The following NSG2 variants were observed in gnomAD, a reference collection of about 807,000 sequenced individuals.
NSG2 encodes neuronal vesicle trafficking associated 2.
Under a neutral mutation model 16.9 loss-of-function variants are expected in NSG2, and 4 were observed. The ratio of observed to expected loss-of-function variants is 0.24; its 90% CI spans 0.12 to 0.54. NSG2 has a LOEUF of 0.54. Ranked by LOEUF, NSG2 falls within the 20% of genes least tolerant of loss-of-function variation. The probability of loss-of-function intolerance (pLI) is 0.95; values close to 1 mark genes in which losing one functional copy is unlikely to be tolerated. For missense variants in NSG2, 179 were observed against 221.1 expected, an observed-to-expected ratio of 0.81 and a Z score of 1.21; for synonymous variants, 98 against 88.7, an observed-to-expected ratio of 1.11 and a Z score of -0.59.
At chr5:174,062,811 C>G (rs1387005269) in intron 2 of NSG2, among the ~76,000 whole-genome samples, 2 of 152,168 alleles carry the variant, frequency 1.3e-5, no homozygotes, top group African/African-American at 2.4e-5. Context: ...CATGACATGC[C>G]TCACAGATGT....
intron 2 of NSG2, among the ~76,000 whole-genome samples, chr5:174,064,023 G>C (rs1760099661): frequency 6.6e-6 from 1 of 152,006 alleles, no homozygotes; most frequent in Non-Finnish European, 1.5e-5. Context: ...TATCTAAAAA[G>C]GTATAATCAA....
At position 174,107,487 on chromosome 5, in the gene NSG2, C is replaced by A; in HGVS notation, c.498C>A (p.Pro166=). 3 of 1,609,896 alleles carry A rather than the reference C, an allele frequency of 1.9e-6. No homozygotes were observed. The highest frequency in any genetic ancestry group is 2.5e-6 in the Non-Finnish European group (3 of 1,177,008). ...CTGTCATCCATGAGCCCAAGCCGCCCAAGACCCAGGGCCACTAGAGGCCTG... is the reference window on the plus strand; with the variant it reads ...CTGTCATCCATGAGCCCAAGCCGCCAAAGACCCAGGGCCACTAGAGGCCTG... The part of the protein sequence containing the change: ...AAAVIHEPKP[P]KTQGH The change falls in exon 5 of 5, where the codon CCC becomes CCA. Residue 166 remains proline, a synonymous_variant. Coordinates refer to ENST00000303177, the MANE Select transcript of NSG2 (RefSeq NM_015980.5). The surrounding 1 kb of genome is among the most constrained non-coding windows in gnomAD (Gnocchi z 4.5).
chr5:174,078,276 CCACACACA>C (rs368501074), intron 3 of NSG2, among the ~76,000 whole-genome samples: 2 of 149,604 alleles, frequency 1.3e-5, no homozygotes, highest in Non-Finnish European at 3.0e-5. Context: ...CGCACACACA[CCACACACA>C]CACACACACA....
At chr5:174,073,167 A>C (rs566685363) in intron 3 of NSG2, among the ~76,000 whole-genome samples, 165 of 152,298 alleles carry the variant, frequency 1.1e-3, no homozygotes, top group Middle Eastern at 3.4e-3. Context: ...ACACATCCTC[A>C]TAACTCTCTT....
At chr5:174,046,700 C>T in intron 1 of NSG2, 34 bp from the exon 2 acceptor site, 1 of 1,608,822 alleles carries the variant, frequency 6.2e-7, no homozygotes, top group Non-Finnish European at 8.5e-7. Context: ...TGCCTCACCT[C>T]CTGCTGTAAC....
At chr5:174,085,300 G>A (rs906262365) in intron 3 of NSG2, among the ~76,000 whole-genome samples, 9 of 152,240 alleles carry the variant, frequency 5.9e-5, no homozygotes, top group African/African-American at 1.9e-4. Context: ...CTGAGGCTCA[G>A]AGAGGTGGCG....
intron 2 of NSG2, among the ~76,000 whole-genome samples, chr5:174,052,442 C>T (rs1468315232): frequency 1.3e-5 from 2 of 152,072 alleles, no homozygotes; most frequent in African/African-American, 4.8e-5. Context: ...TTAGGCCTGG[C>T]CTGCAGTGGG....
intron 3 of NSG2, among the ~76,000 whole-genome samples, chr5:174,070,539 G>A (rs141760838): frequency 1.3e-4 from 20 of 152,050 alleles, no homozygotes; most frequent in African/African-American, 4.1e-4. Flanking sequence ...CTTCTTTGTC[G>A]TTATTAATAT....
intron 4 of NSG2, among the ~76,000 whole-genome samples, chr5:174,106,719 T>A (rs925992292): frequency 6.7e-6 from 1 of 150,246 alleles, no homozygotes; most frequent in Non-Finnish European, 1.5e-5. Flanking sequence ...CTCAGCCTCC[T>A]GAGTAGCTGG....
intron 4 of NSG2, 90 bp downstream of exon 4, chr5:174,104,428 G>C (rs1760946213): frequency 2.2e-6 from 2 of 912,296 alleles, no homozygotes; most frequent in Non-Finnish European, 3.6e-6. Flanking sequence ...CAAATTCTGG[G>C]TATGACGACC....
intron 3 of NSG2, among the ~76,000 whole-genome samples, chr5:174,079,679 T>G (rs1033989758): frequency 5.3e-5 from 8 of 152,240 alleles, no homozygotes; most frequent in African/African-American, 1.9e-4. Context: ...CCTCCTGATT[T>G]GTGTTGCTAC....
At chr5:174,090,910 T>C (rs763691130) in intron 3 of NSG2, among the ~76,000 whole-genome samples, 23 of 152,328 alleles carry the variant, frequency 1.5e-4, no homozygotes, top group African/African-American at 2.2e-4. Context: ...GAGTAGTTTA[T>C]CTGGCAGGGG....
rs146410344 is a variant in NSG2, at chr5:174,106,488, C to T, written c.325-826C>T. Reference sequence around the variant, plus strand: ...CCGGTAGTCCCCAGGTTCATTGCCTCTTAGTAGTCATATTGGTGCTATTTT... The same window carrying T: ...CCGGTAGTCCCCAGGTTCATTGCCTTTTAGTAGTCATATTGGTGCTATTTT... On this transcript the variant is annotated intron_variant, in intron 4 of 4. Transcript: ENST00000303177. 1.8e-3 allele frequency among the ~76,000 whole-genome samples: 263 copies of T among 146,680 alleles called. 1 individual carries two copies. The highest frequency in any genetic ancestry group is 6.5e-3 in the African/African-American group (257 of 39,482).
At chr5:174,048,321 G>A (rs1185824629) in intron 2 of NSG2, among the ~76,000 whole-genome samples, 1 of 152,208 alleles carries the variant, frequency 6.6e-6, no homozygotes. Context: ...CAGAGTCTCT[G>A]AGAGTGAGAC....
Position 174,072,539 on chromosome 5 carries a change from C to T in NSG2, c.213+8224C>T, listed in dbSNP as rs926939906. Among the ~76,000 whole-genome samples, 5 of 152,336 alleles carry T rather than the reference C, an allele frequency of 3.3e-5. No individual in the cohort carries two copies. Among genetic ancestry groups the T allele is most frequent in the Admixed American group, 3.3e-4 (5 of 15,308 alleles). On this transcript the variant is annotated intron_variant, in intron 3 of 4. Coordinates refer to ENST00000303177, the MANE Select transcript of NSG2 (RefSeq NM_015980.5). The surrounding 1 kb of genome is among the most constrained non-coding windows in gnomAD (Gnocchi z 4.0). Reference sequence around the variant, plus strand: ...TTGGGTTCCTGCATGTCCTATAGGACCCTCCATTCTAGTACCAATTAAACA... The same window carrying T: ...TTGGGTTCCTGCATGTCCTATAGGATCCTCCATTCTAGTACCAATTAAACA...
chr5:174,092,458 G>A (rs1010860256), intron 3 of NSG2, among the ~76,000 whole-genome samples: 1 of 152,240 alleles, frequency 6.6e-6, no homozygotes, highest in Non-Finnish European at 1.5e-5. Flanking sequence ...CAAACACAGA[G>A]GGTATGGCCC....
intron 3 of NSG2, among the ~76,000 whole-genome samples, chr5:174,098,782 G>A (rs993629580): frequency 2.0e-5 from 3 of 152,200 alleles, no homozygotes; most frequent in Admixed American, 6.5e-5. Flanking sequence ...AGCGGACGAT[G>A]AGTGGCTGAG....
rs72447938 is a variant in NSG2, at chr5:174,080,525, T to TTCTCTC, written c.213+16230_213+16235dup. Among the ~76,000 whole-genome samples, 89 of 125,286 alleles carry TTCTCTC rather than the reference T, an allele frequency of 7.1e-4. 2 individuals carry two copies. In the South Asian group the frequency reaches 0.013, roughly 19 times the overall value. 82.2% of individuals were successfully genotyped at this position (125,286 alleles called of 152,430 possible). A position where few individuals can be genotyped will look rare whatever the true frequency, so the allele number is the denominator to read the frequency against. ...TTTCTTTCTTTCCCTCTTTCTTTCT[T>TTCTCTC]TCTCTCTCTCTCTCTCTCTCTCTCT... On this transcript the variant is annotated intron_variant, in intron 3 of 4. Coordinates refer to ENST00000303177, the MANE Select transcript of NSG2 (RefSeq NM_015980.5).
At chr5:174,078,709 A>G (rs983240444) in intron 3 of NSG2, among the ~76,000 whole-genome samples, 1 of 152,192 alleles carries the variant, frequency 6.6e-6, no homozygotes, top group Non-Finnish European at 1.5e-5. Context: ...GAATGGGCTT[A>G]GTGTCTTTAT....
Sources: gnomAD v4.1 joint callset for allele counts (sites outside exome capture counted in the v4.1 genomes callset) on GRCh38, gnomAD v4.1.1 for gene constraint, Gnocchi (gnomAD v3.1) non-coding constraint, MANE v1.5 for transcripts, NCBI Gene and HGNC (gene_info 2026-07-23, HGNC 2026-07-21) for gene names.